Variants in FAF1 observed in about 807,000 individuals in gnomAD.
FAF1 encodes Fas associated factor 1.
Under a neutral mutation model 92.5 loss-of-function variants are expected in FAF1, and 25 were observed. The ratio of observed to expected loss-of-function variants is 0.27; its 90% CI spans 0.20 to 0.38. The LOEUF is 0.38. FAF1 is among the 10% of genes least tolerant of loss of function. The pLI is 1.00. For synonymous variants in FAF1, 234 were observed against 273.2 expected, an observed-to-expected ratio of 0.86 and a Z score of 1.42; for missense variants, 636 against 793.3, an observed-to-expected ratio of 0.80 and a Z score of 2.38.
chr1:50,529,617 A>G (rs75273935), intron 15 of FAF1, among the ~76,000 whole-genome samples: 72 of 152,326 alleles, frequency 4.7e-4, no homozygotes, highest in African/African-American at 1.7e-3. Flanking sequence ...AGAACCCAGC[A>G]TGTAGCAGGA....
At chr1:50,779,629 A>T (rs957228786) in intron 4 of FAF1, among the ~76,000 whole-genome samples, 2 of 151,708 alleles carry the variant, frequency 1.3e-5, no homozygotes, top group East Asian at 1.9e-4. Flanking sequence ...ACAAAATTTT[A>T]AAAAATATAA....
chr1:50,924,316 A>T (rs1004101296), intron 1 of FAF1, among the ~76,000 whole-genome samples: 1 of 152,090 alleles, frequency 6.6e-6, no homozygotes, highest in Non-Finnish European at 1.5e-5. Context: ...TCCCATTTAC[A>T]ATAGCTATCA....
At chr1:50,499,663 TAGTA>T in intron 15 of FAF1, among the ~76,000 whole-genome samples, 1 of 152,296 alleles carries the variant, frequency 6.6e-6, no homozygotes, top group South Asian at 2.1e-4. Context: ...CTATTATAAC[TAGTA>T]AGTGAGTTTA....
At chr1:50,853,138 A>C (rs757703553) in intron 2 of FAF1, among the ~76,000 whole-genome samples, 1 of 152,186 alleles carries the variant, frequency 6.6e-6, no homozygotes, top group Non-Finnish European at 1.5e-5. Flanking sequence ...GCAGGTGTTC[A>C]TAACACTGTA....
intron 2 of FAF1, among the ~76,000 whole-genome samples, chr1:50,843,670 T>A: frequency 6.6e-6 from 1 of 152,018 alleles, no homozygotes; most frequent in East Asian, 1.9e-4. Context: ...TAACATAATG[T>A]CCTCCCGTTC....
At chr1:50,556,238 C>CAAA (rs34420030) in intron 13 of FAF1, among the ~76,000 whole-genome samples, 60 of 73,722 alleles carry the variant, frequency 8.1e-4, no homozygotes, top group African/African-American at 2.0e-3. Flanking sequence ...ACTCCATCTC[C>CAAA]AAAAAAAAAA....
At chr1:50,478,873 T>A (rs1646668301) in intron 17 of FAF1, among the ~76,000 whole-genome samples, 1 of 152,216 alleles carries the variant, frequency 6.6e-6, no homozygotes, top group Admixed American at 6.5e-5. Context: ...TTAAAGTTTT[T>A]ATTAAAGTAT....
intron 9 of FAF1, among the ~76,000 whole-genome samples, chr1:50,592,874 G>A (rs1055592573): frequency 6.6e-6 from 1 of 151,776 alleles, no homozygotes. Flanking sequence ...TGGGGAGAAG[G>A]CTGCAGTGAG....
intron 6 of FAF1, among the ~76,000 whole-genome samples, chr1:50,729,238 A>G (rs1658818334): frequency 6.7e-6 from 1 of 148,870 alleles, no homozygotes; most frequent in African/African-American, 2.5e-5. Flanking sequence ...TATTTTTAGT[A>G]AAGATGGGGT....
At chr1:50,827,308 G>T (rs187040182) in intron 2 of FAF1, among the ~76,000 whole-genome samples, 1 of 152,274 alleles carries the variant, frequency 6.6e-6, no homozygotes, top group African/African-American at 2.4e-5. Flanking sequence ...GCCTTGGGAG[G>T]CTGTTAATCT....
At chr1:50,905,304 G>C (rs1644827580) in intron 1 of FAF1, among the ~76,000 whole-genome samples, 1 of 152,146 alleles carries the variant, frequency 6.6e-6, no homozygotes, top group Non-Finnish European at 1.5e-5. Flanking sequence ...CATTTGGGTT[G>C]GTTCCAAGTC....
intron 7 of FAF1, among the ~76,000 whole-genome samples, chr1:50,670,559 T>TA (rs1655829770): frequency 1.3e-5 from 2 of 152,248 alleles, no homozygotes; most frequent in South Asian, 4.1e-4. Context: ...CCTTGAACTA[T>TA]AAAGGTAGAA....
intron 17 of FAF1, among the ~76,000 whole-genome samples, 194 bp downstream of exon 17, chr1:50,490,394 A>G (rs181513601): frequency 2.7e-5 from 1 of 37,136 alleles, no homozygotes; most frequent in East Asian, 4.5e-4. Flanking sequence ...AAAGGAAGGA[A>G]GGAAGGAAGG....
At chr1:50,814,101 G>A (rs961001156) in intron 2 of FAF1, among the ~76,000 whole-genome samples, 2 of 152,120 alleles carry the variant, frequency 1.3e-5, no homozygotes, top group South Asian at 2.1e-4. Flanking sequence ...TAAAAGTTAT[G>A]TGAATGTGGT....
At chr1:50,747,034 T>C (rs955390655) in intron 4 of FAF1, among the ~76,000 whole-genome samples, 1 of 152,158 alleles carries the variant, frequency 6.6e-6, no homozygotes, top group Non-Finnish European at 1.5e-5. Context: ...TTTCAGATGC[T>C]ATATGGAAAA....
chr1:50,608,930 A>C (rs1557433087), intron 8 of FAF1, among the ~76,000 whole-genome samples: 1 of 152,192 alleles, frequency 6.6e-6, no homozygotes, highest in Non-Finnish European at 1.5e-5. Flanking sequence ...ATTGTTGTGA[A>C]GATTCAAGAG....
chr1:50,661,132 C>CT (rs1025632861), intron 7 of FAF1, among the ~76,000 whole-genome samples: 3 of 151,626 alleles, frequency 2.0e-5, no homozygotes, highest in Non-Finnish European at 2.9e-5. Flanking sequence ...CATTTTAGTA[C>CT]TTTTTTTTGC....
At chr1:50,723,096 T>C (rs957925524) in intron 6 of FAF1, among the ~76,000 whole-genome samples, 4 of 152,022 alleles carry the variant, frequency 2.6e-5, no homozygotes, top group African/African-American at 7.3e-5. Context: ...TATGAGGTGG[T>C]GGAGAAACAG....
chr1:50,622,063 A>C (rs1021428360), intron 8 of FAF1, among the ~76,000 whole-genome samples: 1 of 151,622 alleles, frequency 6.6e-6, no homozygotes, highest in Admixed American at 6.6e-5. Flanking sequence ...CTACTCAGGA[A>C]GCTGAGGCAG....
Sources: gnomAD v4.1 joint callset for allele counts (sites outside exome capture counted in the v4.1 genomes callset) on GRCh38, gnomAD v4.1.1 for gene constraint, MANE v1.5 for transcripts, NCBI Gene and HGNC (gene_info 2026-07-23, HGNC 2026-07-21) for gene names.